The following CSMD1 variants were observed in gnomAD, a reference collection of about 807,000 sequenced individuals.
The protein encoded by CSMD1 is CUB and Sushi multiple domains 1, also known as CUB and sushi domain-containing protein 1.
CSMD1 carries 213 observed loss-of-function variants against 417.5 expected under a neutral mutation model. The observed-to-expected ratio is 0.51, with a 90% CI of 0.46 to 0.57. The LOEUF (loss-of-function observed/expected upper bound fraction) is 0.57, where lower values mean the gene tolerates loss of function less well. Among genes scored for constraint, CSMD1 ranks in the 20% least tolerant of loss-of-function variants. The pLI is 0.00. For synonymous variants in CSMD1, 2,862 were observed against 1,736.8 expected, an observed-to-expected ratio of 1.65 and a Z score of -16.11; for missense variants, 6,923 against 4,529.7, an observed-to-expected ratio of 1.53 and a Z score of -15.17.
chr8:4,723,003 A>G (rs996341731), intron 1 of CSMD1, among the ~76,000 whole-genome samples: 2 of 152,184 alleles, frequency 1.3e-5, no homozygotes, highest in Non-Finnish European at 2.9e-5. Context: ...GTGGCATTAC[A>G]AGAGTCTCAC....
chr8:4,042,776 G>T (rs76074819), intron 3 of CSMD1, among the ~76,000 whole-genome samples: 1 of 128,278 alleles, frequency 7.8e-6, no homozygotes, highest in East Asian at 2.4e-4. Flanking sequence ...GCACATTGCT[G>T]TATCTTCGCT....
At chr8:4,563,295 G>A (rs906470040) in intron 2 of CSMD1, among the ~76,000 whole-genome samples, 1 of 152,180 alleles carries the variant, frequency 6.6e-6, no homozygotes, top group African/African-American at 2.4e-5. Context: ...CAGCTACTTG[G>A]GAGGCTGAAG....
chr8:4,925,763 G>A (rs1329049228), intron 1 of CSMD1, among the ~76,000 whole-genome samples: 6 of 152,026 alleles, frequency 3.9e-5, no homozygotes, highest in African/African-American at 1.2e-4. Context: ...TGGTCAGGAT[G>A]GTCTCAAACT....
intron 3 of CSMD1, among the ~76,000 whole-genome samples, chr8:4,276,212 G>C (rs774952392): frequency 2.0e-5 from 3 of 152,044 alleles, no homozygotes; most frequent in Non-Finnish European, 4.4e-5. Flanking sequence ...CAAAGACCTG[G>C]AACTAACGCA....
Position 3,396,155 on chromosome 8 carries a change from T to C in CSMD1, c.2593+39A>G, listed in dbSNP as rs532979455. On this transcript the variant is annotated intron_variant, in intron 17 of 69. Coordinates refer to ENST00000635120, the MANE Select transcript of CSMD1 (RefSeq NM_033225.6). ...CCCAGATCTTTAGTTCTCCCATGCA[T>C]GCTGCCCTGCCGGGCTGTCAAGGGA... 1.4e-5 allele frequency: 21 copies of C among 1,520,346 alleles called. No individual in the cohort carries two copies. The Middle Eastern group carries it at 1.1e-3, about 80-fold the overall frequency. The allele number at this position is 1,520,346 out of a possible 1,614,324, so 94.2% of individuals were successfully genotyped here.
intron 5 of CSMD1, among the ~76,000 whole-genome samples, chr8:3,934,933 G>A (rs933558438): frequency 2.6e-5 from 4 of 152,018 alleles, no homozygotes; most frequent in African/African-American, 9.7e-5. Flanking sequence ...CGGGAGTAGA[G>A]GGCATATAAA....
intron 23 of CSMD1, among the ~76,000 whole-genome samples, chr8:3,317,242 T>TAACA (rs770813633): frequency 1.2e-4 from 18 of 152,206 alleles, no homozygotes; most frequent in African/African-American, 1.7e-4. Flanking sequence ...CTTTCATTGA[T>TAACA]AACACCTGTT....
At chr8:3,161,708 CT>C (rs1268550380) in intron 38 of CSMD1, among the ~76,000 whole-genome samples, 10 of 146,966 alleles carry the variant, frequency 6.8e-5, no homozygotes, top group African/African-American at 2.5e-4. Flanking sequence ...GTTTTTAAAA[CT>C]TACTTAAATG....
intron 1 of CSMD1, among the ~76,000 whole-genome samples, chr8:4,816,809 C>G (rs1421212184): frequency 6.6e-6 from 1 of 152,082 alleles, no homozygotes; most frequent in East Asian, 1.9e-4. Flanking sequence ...AGAGATGTCA[C>G]AGAGCCAGAA....
chr8:3,873,039 A>G (rs1805586603), intron 5 of CSMD1, among the ~76,000 whole-genome samples: 1 of 152,166 alleles, frequency 6.6e-6, no homozygotes, highest in Non-Finnish European at 1.5e-5. Flanking sequence ...TTGTTATTAA[A>G]AAATCAAACA....
At chr8:4,812,734 C>T (rs1339900071) in intron 1 of CSMD1, among the ~76,000 whole-genome samples, 3 of 152,164 alleles carry the variant, frequency 2.0e-5, no homozygotes, top group African/African-American at 7.2e-5. Flanking sequence ...AATTGCCTTT[C>T]TTCACAAAGC....
intron 17 of CSMD1, among the ~76,000 whole-genome samples, chr8:3,389,105 G>T (rs189544306): frequency 1.2e-3 from 178 of 152,212 alleles, no homozygotes; most frequent in East Asian, 3.1e-3. Context: ...ATGATTTTTT[G>T]TTGTTGTTGT....
rs574181389 is a variant in CSMD1, at chr8:4,458,135, T to C, written c.303-38070A>G. Among the ~76,000 whole-genome samples, 10 of 152,290 alleles carry C rather than the reference T, an allele frequency of 6.6e-5. No individual in the cohort carries two copies. In the East Asian group the frequency reaches 9.6e-4, roughly 15 times the overall value. ...ATGAAACTTTCTGTGTTTAAATTAC[T>C]TTATGGTTTTGCTGTCTTGAGTGGA... On this transcript the variant is annotated intron_variant, in intron 2 of 69. Coordinates refer to ENST00000635120, the MANE Select transcript of CSMD1 (RefSeq NM_033225.6).
intron 2 of CSMD1, among the ~76,000 whole-genome samples, chr8:4,457,661 G>T (rs1268645058): frequency 6.6e-6 from 1 of 152,126 alleles, no homozygotes; most frequent in Non-Finnish European, 1.5e-5. Flanking sequence ...ATGATGTTAA[G>T]CTCAGACAAT....
intron 16 of CSMD1, among the ~76,000 whole-genome samples, chr8:3,399,188 C>G (rs995234033): frequency 6.6e-6 from 1 of 152,172 alleles, no homozygotes. Context: ...CTACTAACCT[C>G]CAGAGCATTG....
At chr8:4,670,087 G>A (rs935654292) in intron 1 of CSMD1, among the ~76,000 whole-genome samples, 13 of 152,156 alleles carry the variant, frequency 8.5e-5, no homozygotes, top group South Asian at 2.1e-4. Context: ...GTGCCCCCAC[G>A]TCCACAAGTG....
chr8:3,095,021 T>C (rs1214829367), intron 47 of CSMD1, among the ~76,000 whole-genome samples: 1 of 152,138 alleles, frequency 6.6e-6, no homozygotes, highest in Non-Finnish European at 1.5e-5. Flanking sequence ...TACCTGTTGT[T>C]TATAATGGCT....
At chr8:3,223,669 A>G in intron 28 of CSMD1, 60 bp downstream of exon 28, 8 of 1,563,172 alleles carry the variant, frequency 5.1e-6, no homozygotes, top group Non-Finnish European at 7.0e-6. Context: ...TAAAAGAAGT[A>G]ATTTTTAGGT....
intron 10 of CSMD1, among the ~76,000 whole-genome samples, chr8:3,505,902 A>G (rs906455045): frequency 6.6e-6 from 1 of 152,232 alleles, no homozygotes; most frequent in Non-Finnish European, 1.5e-5. Context: ...ACAGTTACTT[A>G]AGGAGGTTCT....
Sources: gnomAD v4.1 joint callset for allele counts (sites outside exome capture counted in the v4.1 genomes callset) on GRCh38, gnomAD v4.1.1 for gene constraint, MANE v1.5 for transcripts, NCBI Gene and HGNC (gene_info 2026-07-23, HGNC 2026-07-21) for gene names.